The following MCM7 variants were observed in gnomAD, a reference collection of about 807,000 sequenced individuals.
The protein encoded by MCM7 is minichromosome maintenance complex component 7, also known as DNA replication licensing factor MCM7.
MCM7 carries 95 observed loss-of-function variants against 83.5 expected under a neutral mutation model. The observed-to-expected ratio is 1.14, with a 90% CI of 0.96 to 1.35. The LOEUF (loss-of-function observed/expected upper bound fraction) is 1.35. Among genes scored for constraint, MCM7 ranks in the 40% most tolerant of loss-of-function variants. The pLI, the probability that MCM7 is intolerant of heterozygous loss-of-function variation, is 0.00. For missense variants in MCM7, 1,087 were observed against 957.4 expected, an observed-to-expected ratio of 1.14 and a Z score of -1.79; for synonymous variants, 461 against 352.7, an observed-to-expected ratio of 1.31 and a Z score of -3.44.
intron 9 of MCM7, 25 bp from the exon 10 acceptor site, chr7:100,097,409 G>A (rs1054918009): frequency 1.2e-6 from 2 of 1,611,302 alleles, no homozygotes; most frequent in African/African-American, 2.7e-5. Context: ...GGCAGCCCTG[G>A]AATGACTCTT....
rs750263017 is a variant in MCM7 at position 100,096,006 on chromosome 7, G to A, written c.1363C>T (p.Arg455Cys). 33 of 1,613,874 alleles carry A rather than the reference G, an allele frequency of 2.0e-5. 1 individual carries two copies. Among genetic ancestry groups the A allele is most frequent in the Middle Eastern group, 1.6e-4 (1 of 6,084 alleles). The change falls in exon 11 of 15, where the codon CGC becomes TGC. Residue 455 changes from arginine to cysteine, a missense_variant. Arg to Cys is a radical substitution (Grantham distance 180). Coordinates refer to ENST00000303887, the MANE Select transcript of MCM7 (RefSeq NM_005916.5). Reference sequence around the variant, plus strand: ...TCCATGACCTCGTGGATGGCTGTGCGGTCGGCCTCAGCCATCTTGTCGAAC... The same window carrying A: ...TCCATGACCTCGTGGATGGCTGTGCAGTCGGCCTCAGCCATCTTGTCGAAC... Reference protein sequence around the residue: ...DEFDKMAEADRTAIHEVMEQQ... With the variant: ...DEFDKMAEADCTAIHEVMEQQ...
intron 12 of MCM7, among the ~76,000 whole-genome samples, chr7:100,094,584 C>T (rs1048968406): frequency 1.3e-5 from 2 of 152,142 alleles, no homozygotes; most frequent in Non-Finnish European, 2.9e-5. Context: ...GGGAAAATGG[C>T]CTTTGTAAGA....
At chr7:100,100,377 A>G in intron 1 of MCM7, 1 of 1,096,026 alleles carries the variant, frequency 9.1e-7, no homozygotes, top group Non-Finnish European at 1.1e-6. Flanking sequence ...TTGGCCCCTC[A>G]CACTCCGGTC....
In MCM7 at chr7:100,095,384, T is replaced by C; in HGVS notation, c.1679+3A>G. 1 of 1,612,074 alleles carries C rather than the reference T, an allele frequency of 6.2e-7. No homozygotes were observed. The highest frequency in any genetic ancestry group is 8.5e-7 in the Non-Finnish European group (1 of 1,179,320). ...TTTGCCCACCCGCACCCAGCTCTCC[T>C]ACCTCATGAGCTTCATGTCCAGAGG... On this transcript the variant is annotated splice_donor_region_variant and intron_variant, in intron 12 of 14. Transcript: ENST00000303887.
chr7:100,094,391 G>A (rs760082401), intron 12 of MCM7, 50 bp from the exon 13 acceptor site: 8 of 1,604,654 alleles, frequency 5.0e-6, no homozygotes, highest in Non-Finnish European at 6.8e-6. Context: ...GGGGAAGGGA[G>A]TGAATATGAG....
intron 10 of MCM7, among the ~76,000 whole-genome samples, chr7:100,096,919 G>C (rs1215761277): frequency 1.3e-5 from 2 of 151,638 alleles, no homozygotes; most frequent in Non-Finnish European, 2.9e-5. Context: ...GGCTAACACG[G>C]TGAAACCCCG....
chr7:100,099,806 C>T, intron 2 of MCM7, 53 bp from the exon 3 acceptor site: 1 of 1,602,584 alleles, frequency 6.2e-7, no homozygotes. Context: ...CTTTGCTCAC[C>T]AGTGTTCATA....
At position 100,095,756 on chromosome 7, in the gene MCM7, G is replaced by A. The variant is rs1795596222; in HGVS notation, c.1595+18C>T. ...ATCATTACAGGGGACCTCTCTTTGG[G>A]TGTTGAGCTTCATTCACCGTAGGTC... On this transcript the variant is annotated intron_variant, in intron 11 of 14. Coordinates refer to ENST00000303887, the MANE Select transcript of MCM7 (RefSeq NM_005916.5). 2 of 1,553,114 alleles carry A rather than the reference G, an allele frequency of 1.3e-6. No homozygotes were observed. The highest frequency in any genetic ancestry group is 1.7e-6 in the Non-Finnish European group (2 of 1,151,700).
intron 3 of MCM7, 53 bp from the exon 4 acceptor site, chr7:100,099,456 G>A (rs1584495827): frequency 1.9e-6 from 3 of 1,586,370 alleles, no homozygotes; most frequent in East Asian, 4.5e-5. Context: ...GATGGGGAAA[G>A]GAGAGCACAG....
rs1795844844 is a variant in MCM7, at chr7:100,099,704, T to A, written c.161A>T (p.Asp54Val). The A allele has an allele frequency of 6.2e-7, 1 of 1,614,178 alleles. No individual in the cohort carries two copies. The highest frequency in any genetic ancestry group is 8.5e-7 in the Non-Finnish European group (1 of 1,180,030). The stretch of plus-strand genomic sequence containing the variant: ...CAACTCGGGGTCATCCTCGGCTACG[T>A]CGTCCAGGTCCACATACAGAGCCAC... ...EQVALYVDLDDVAEDDPELVD... is the reference protein window; with the variant it reads ...EQVALYVDLDVVAEDDPELVD... Residue 54 changes from aspartate (D) to valine (V), a missense_variant, in exon 3 of 15, where the codon GAC becomes GTC. Coordinates refer to ENST00000303887, the MANE Select transcript of MCM7 (RefSeq NM_005916.5).
chr7:100,094,679 C>G (rs912736954), intron 12 of MCM7, among the ~76,000 whole-genome samples: 6 of 152,124 alleles, frequency 3.9e-5, no homozygotes, highest in Non-Finnish European at 8.8e-5. Flanking sequence ...TTAAAGAGAA[C>G]TGTTTACAGA....
chr7:100,099,769 G>A lies in MCM7; in HGVS notation c.112-16C>T, dbSNP rs1251633438. 20 of 1,612,870 alleles carry A rather than the reference G, an allele frequency of 1.2e-5. No homozygotes were observed. Among genetic ancestry groups the A allele is most frequent in the Admixed American group, 1.7e-5 (1 of 59,896 alleles). ...CCAGCCGAACCTCAAGTGGGGAAGA[G>A]ACAGAAACACCTCAGAGCCACATTC... On this transcript the variant is annotated splice_polypyrimidine_tract_variant and intron_variant, in intron 2 of 14. Coordinates refer to ENST00000303887, the MANE Select transcript of MCM7 (RefSeq NM_005916.5).
chr7:100,099,418 CAAAAAA>C lies in MCM7; in HGVS notation c.277-21_277-16del. 13 of 1,302,268 alleles carry C rather than the reference CAAAAAA, an allele frequency of 1.0e-5. No homozygotes were observed. The highest frequency in any genetic ancestry group is 2.7e-5 in the East Asian group (1 of 37,152). 80.7% of individuals were successfully genotyped at this position (1,302,268 alleles called of 1,614,324 possible). The stretch of plus-strand genomic sequence containing the variant: ...TTATTTACCACCTAAAGGAGAAGAA[CAAAAAA>C]AAAAAAAAAAAAGAGCAACAGGATG... On this transcript the variant is annotated splice_polypyrimidine_tract_variant and intron_variant, in intron 3 of 14. Coordinates refer to ENST00000303887, the MANE Select transcript of MCM7 (RefSeq NM_005916.5).
intron 13 of MCM7, chr7:100,093,785 G>A (rs369014087): frequency 3.3e-6 from 2 of 613,854 alleles, no homozygotes; most frequent in Non-Finnish European, 6.4e-6. Context: ...CTCGGGAAGT[G>A]CTAGCTCAGC....
chr7:100,093,259 T>C (rs761400010), intron 14 of MCM7, 33 bp downstream of exon 14: 13 of 1,597,532 alleles, frequency 8.1e-6, no homozygotes, highest in South Asian at 7.7e-5. Flanking sequence ...GAAGACAAAG[T>C]GACACAGCTT....
Position 100,098,153 on chromosome 7 carries a change from T to A in MCM7, c.858A>T (p.Arg286=). The A allele has an allele frequency of 8.1e-6, 13 of 1,614,110 alleles. No homozygotes were observed. Among genetic ancestry groups the A allele is most frequent in the Non-Finnish European group, 1.1e-5 (13 of 1,179,998 alleles). Reference sequence around the variant, plus strand: ...AACTCTTCCTTACCTGTACCACCTGTCGGAACCCAGTGCGCAGGATTGGCA... The same window carrying A: ...AACTCTTCCTTACCTGTACCACCTGACGGAACCCAGTGCGCAGGATTGGCA... ...IFLPILRTGF[R]QVVQGLLSET... is the part of the protein sequence containing the mutation. The change falls in exon 7 of 15, where the codon CGA becomes CGT. Residue 286 remains arginine (R), a synonymous_variant. Transcript: ENST00000303887.
intron 3 of MCM7, 36 bp from the exon 4 acceptor site, chr7:100,099,439 G>C (rs762380229): frequency 1.4e-6 from 2 of 1,397,242 alleles, no homozygotes; most frequent in Non-Finnish European, 2.0e-6. Flanking sequence ...AAAAAAAAGA[G>C]CAACAGGATG....
Position 100,098,723 on chromosome 7 carries a change from G to A in MCM7, c.583-8C>T, listed in dbSNP as rs763772993. 3.7e-6 allele frequency: 6 copies of A among 1,614,048 alleles called. No homozygotes were observed. The highest frequency in any genetic ancestry group is 2.2e-5 in the South Asian group (2 of 91,076). On this transcript the variant is annotated splice_region_variant and splice_polypyrimidine_tract_variant and intron_variant, in intron 5 of 14. Transcript: ENST00000303887. ...GAAAGTGGGAGACTGGATCTAGGATGTGAGAACAGAAACACCAAAGGAACT... is the reference window on the plus strand; with the variant it reads ...GAAAGTGGGAGACTGGATCTAGGATATGAGAACAGAAACACCAAAGGAACT...
chr7:100,096,204 G>C (rs1795627991), intron 10 of MCM7, 37 bp from the exon 11 acceptor site: 1 of 1,520,840 alleles, frequency 6.6e-7, no homozygotes, highest in Non-Finnish European at 8.8e-7. Flanking sequence ...GAGAGAGAAA[G>C]AACAAGAAAG....
Sources: allele counts gnomAD v4.1 joint callset (sites outside exome capture counted in the v4.1 genomes callset), GRCh38; gene constraint gnomAD v4.1.1; transcripts MANE v1.5; gene names NCBI Gene and HGNC (gene_info 2026-07-23, HGNC 2026-07-21).